The following LMO7 variants were observed in gnomAD, a reference collection of about 807,000 sequenced individuals.
The protein encoded by LMO7 is LIM domain only protein 7.
A neutral mutation model predicts 206.5 loss-of-function variants in LMO7; 120 were observed. The ratio of observed to expected loss-of-function variants is 0.58; its 90% CI spans 0.50 to 0.68. The LOEUF (loss-of-function observed/expected upper bound fraction) is 0.68. LMO7 is among the 30% of genes least tolerant of loss of function. The pLI is 0.00. For missense variants in LMO7, 1,959 were observed against 1,957.9 expected (o/e 1.00, Z -0.01); for synonymous variants, 706 against 681.5 (o/e 1.04, Z -0.56).
At chr13:75,670,435 C>T (rs892763409) in intron 1 of LMO7, among the ~76,000 whole-genome samples, 3 of 152,142 alleles carry the variant, frequency 2.0e-5, no homozygotes, top group African/African-American at 7.2e-5. Flanking sequence ...CTTACACAAA[C>T]ATAGATGGTG....
chr13:75,644,762 G>A (rs2036864440), intron 1 of LMO7, among the ~76,000 whole-genome samples: 1 of 152,076 alleles, frequency 6.6e-6, no homozygotes, highest in Non-Finnish European at 1.5e-5. Context: ...TGGAACAGCT[G>A]GGAGACTATA....
chr13:75,631,513 G>A (rs562564107), upstream of LMO7: 4 of 151,488 alleles, frequency 2.6e-5, no homozygotes, highest in South Asian at 8.4e-4. Flanking sequence ...ATTAACTAGG[G>A]CTGGATCCCT....
At chr13:75,779,109 C>A (rs1177959455) in intron 4 of LMO7, among the ~76,000 whole-genome samples, 1 of 152,084 alleles carries the variant, frequency 6.6e-6, no homozygotes, top group African/African-American at 2.4e-5. Flanking sequence ...TTGGAGGCTC[C>A]TCACCCAAGT....
intron 26 of LMO7, among the ~76,000 whole-genome samples, chr13:75,848,449 A>ATCTG (rs570017185): frequency 0.013 from 1,992 of 152,002 alleles, 27 homozygotes; most frequent in African/African-American, 0.039. Context: ...CTATCTATCT[A>ATCTG]TCTATCTATC....
intron 3 of LMO7, among the ~76,000 whole-genome samples, chr13:75,732,065 C>T (rs1218660849): frequency 1.3e-5 from 2 of 151,986 alleles, no homozygotes; most frequent in Non-Finnish European, 2.9e-5. Flanking sequence ...ACATTTTTTC[C>T]TTCATTTCAA....
intron 1 of LMO7, chr13:75,688,679 A>T (rs978221684): frequency 1.8e-4 from 28 of 152,362 alleles, no homozygotes; most frequent in Admixed American, 1.8e-3. Flanking sequence ...AAGTTGTAGC[A>T]GGCAGCAGCT....
chr13:75,634,506 C>T (rs566037052), upstream of LMO7, among the ~76,000 whole-genome samples: 18 of 151,974 alleles, frequency 1.2e-4, no homozygotes, highest in South Asian at 1.7e-3. Context: ...TTTGGGAGGA[C>T]GAGGCAGGCG....
chr13:75,783,172 A>G (rs991387703), intron 4 of LMO7, among the ~76,000 whole-genome samples: 4 of 152,352 alleles, frequency 2.6e-5, no homozygotes, highest in Middle Eastern at 3.4e-3. Flanking sequence ...ATACATAACC[A>G]TTTTGGAATG....
At chr13:75,636,759 G>A (rs766863569) in intron 1 of LMO7, 33 bp downstream of exon 1, 27 of 1,584,158 alleles carry the variant, frequency 1.7e-5, no homozygotes, top group African/African-American at 4.0e-5. Flanking sequence ...CCTTCCGCAG[G>A]TGTTGACTGC....
chr13:75,686,160 T>C (rs899033414), intron 1 of LMO7, among the ~76,000 whole-genome samples: 3 of 152,010 alleles, frequency 2.0e-5, no homozygotes, highest in Non-Finnish European at 4.4e-5. Flanking sequence ...ATTACAGGGG[T>C]GTATTAGTCC....
intron 1 of LMO7, among the ~76,000 whole-genome samples, chr13:75,693,840 T>C (rs1462604884): frequency 6.6e-6 from 1 of 152,172 alleles, no homozygotes; most frequent in African/African-American, 2.4e-5. Flanking sequence ...GTGACTGCCT[T>C]CTGTGGTTGT....
chr13:75,846,574 A>G (rs2060012742), intron 26 of LMO7, among the ~76,000 whole-genome samples: 1 of 152,172 alleles, frequency 6.6e-6, no homozygotes, highest in Non-Finnish European at 1.5e-5. Flanking sequence ...TGCAGCGATT[A>G]TATTATCTCT....
chr13:75,727,457 A>T (rs1449085473), intron 3 of LMO7, among the ~76,000 whole-genome samples: 1 of 152,008 alleles, frequency 6.6e-6, no homozygotes, highest in Non-Finnish European at 1.5e-5. Context: ...TCAACATCAA[A>T]ATATATACAA....
intron 2 of LMO7, among the ~76,000 whole-genome samples, chr13:75,719,040 C>T (rs917403077): frequency 6.0e-5 from 9 of 149,442 alleles, no homozygotes; most frequent in South Asian, 2.1e-4. Flanking sequence ...AGTGCAATGG[C>T]GCGATCTCGG....
intron 18 of LMO7, 126 bp downstream of exon 18, chr13:75,835,465 A>T (rs1269564693): frequency 1.7e-6 from 1 of 581,856 alleles, no homozygotes; most frequent in African/African-American, 1.9e-5. Context: ...AAATGATTGA[A>T]TAATGTAAAT....
At chr13:75,711,456 A>T (rs1313380266) in intron 1 of LMO7, among the ~76,000 whole-genome samples, 1 of 152,094 alleles carries the variant, frequency 6.6e-6, no homozygotes, top group East Asian at 1.9e-4. Flanking sequence ...GTAAGCTATT[A>T]ATTATTGCCT....
At chr13:75,717,743 T>G (rs2043671239) in intron 2 of LMO7, among the ~76,000 whole-genome samples, 1 of 152,188 alleles carries the variant, frequency 6.6e-6, no homozygotes, top group South Asian at 2.1e-4. Context: ...ACACATGGAG[T>G]GCCGGTGACA....
At chr13:75,677,906 C>T (rs1390407498) in intron 1 of LMO7, among the ~76,000 whole-genome samples, 2 of 148,622 alleles carry the variant, frequency 1.3e-5, no homozygotes, top group African/African-American at 5.0e-5. Flanking sequence ...GGTTTTTTGT[C>T]CTTGCGATAG....
Position 75,808,185 on chromosome 13 carries a change from G to A in LMO7, c.1902G>A (p.Arg634=). 6.2e-7 allele frequency: 1 copy of A among 1,612,126 alleles called. No homozygotes were observed. Among genetic ancestry groups the A allele is most frequent in the Non-Finnish European group, 8.5e-7 (1 of 1,178,766 alleles). The change falls in exon 10 of 31, where the codon AGG becomes AGA. Residue 634 remains arginine (R), a synonymous_variant. Coordinates refer to ENST00000377534, the MANE Select transcript of LMO7 (RefSeq NM_001306080.2). ...CCAGCAGACTTAGGCACAAGAAAAG[G>A]CTGATGGTGGAGAGGTCAGAGTGTG... ...REASRLRHKK[R]LMVERLFQKI... is the part of the protein sequence containing the mutation.
Sources: gnomAD v4.1 joint callset for allele counts (sites outside exome capture counted in the v4.1 genomes callset) on GRCh38, gnomAD v4.1.1 for gene constraint, MANE v1.5 for transcripts, NCBI Gene and HGNC (gene_info 2026-07-23, HGNC 2026-07-21) for gene names.